The following NAV3 variants were observed in gnomAD, a reference collection of about 807,000 sequenced individuals.
NAV3 encodes pore membrane and/or filament interacting like protein 1.
NAV3 carries 87 observed loss-of-function variants against 244.7 expected under a neutral mutation model. The observed-to-expected ratio is 0.36, with a 90% CI of 0.30 to 0.42. The LOEUF is 0.42. Ranked by LOEUF, NAV3 falls within the 20% of genes least tolerant of loss-of-function variation. The pLI is 1.00. For synonymous variants in NAV3, 1,126 were observed against 1,042.2 expected, an observed-to-expected ratio of 1.08 and a Z score of -1.55; for missense variants, 2,663 against 2,893.3, an observed-to-expected ratio of 0.92 and a Z score of 1.83.
intron 7 of NAV3, among the ~76,000 whole-genome samples, chr12:78,003,281 G>T (rs1336468374): frequency 1.3e-5 from 2 of 152,010 alleles, no homozygotes; most frequent in African/African-American, 4.8e-5. Context: ...GTATGTTGTT[G>T]TGGAATTAAA....
At chr12:78,133,220 A>G (rs1347876845) in intron 18 of NAV3, among the ~76,000 whole-genome samples, 1 of 152,076 alleles carries the variant, frequency 6.6e-6, no homozygotes, top group Non-Finnish European at 1.5e-5. Flanking sequence ...CAAATCAGGC[A>G]TTTTGAGATC....
At chr12:78,193,658 G>A (rs566122991) in intron 34 of NAV3, among the ~76,000 whole-genome samples, 1 of 152,228 alleles carries the variant, frequency 6.6e-6, no homozygotes, top group South Asian at 2.1e-4. Flanking sequence ...GCTAGAGTGG[G>A]TATCATGAAG....
At chr12:77,748,552 A>G (rs1868675953) in intron 2 of NAV3, among the ~76,000 whole-genome samples, 1 of 152,222 alleles carries the variant, frequency 6.6e-6, no homozygotes, top group African/African-American at 2.4e-5. Flanking sequence ...ATGGAATATT[A>G]TTCAGCCATG....
At position 78,211,442 on chromosome 12, in the gene NAV3, A is replaced by G. The variant is rs1413527778; in HGVS notation, c.*925A>G. The G allele has an allele frequency of 6.6e-6, 1 of 151,896 alleles. No homozygotes were observed. Among genetic ancestry groups the G allele is most frequent in the South Asian group, 2.1e-4 (1 of 4,778 alleles). 9.4% of individuals were successfully genotyped at this position (151,896 alleles called of 1,614,324 possible). On this transcript the variant is annotated 3_prime_UTR_variant, in exon 40 of 40. Coordinates refer to ENST00000397909, the MANE Select transcript of NAV3 (RefSeq NM_001024383.2). Reference sequence around the variant, plus strand: ...TTACAACCAAGCAACACCAGTTAACATAGTAGCCTCATCTCTATATATCTT... The same window carrying G: ...TTACAACCAAGCAACACCAGTTAACGTAGTAGCCTCATCTCTATATATCTT...
At chr12:77,863,573 T>A (rs185038131) in intron 1 of NAV3, among the ~76,000 whole-genome samples, 2 of 151,908 alleles carry the variant, frequency 1.3e-5, no homozygotes, top group Non-Finnish European at 3.0e-5. Context: ...ATTTTAAAAT[T>A]TATTGGACTG....
chr12:78,080,726 G>A (rs982559754), intron 12 of NAV3, among the ~76,000 whole-genome samples: 5 of 152,154 alleles, frequency 3.3e-5, no homozygotes, highest in Non-Finnish European at 7.3e-5. Context: ...TGGCAGTCAC[G>A]AGGTACCCTG....
At chr12:78,011,770 G>A (rs2136664210) in intron 8 of NAV3, among the ~76,000 whole-genome samples, 1 of 152,288 alleles carries the variant, frequency 6.6e-6, no homozygotes, top group Admixed American at 6.5e-5. Flanking sequence ...CCTGAGACTG[G>A]ATAATTTATA....
At position 78,007,413 on chromosome 12, in the gene NAV3, G is replaced by T. The variant is rs369799002; in HGVS notation, c.1875G>T (p.Pro625=). ...QLPQQQQHSH[P]NTATVAPFIY... ...CTCAACAGCAGCAACATAGCCACCCGAATACCGCGACAGTGGCACCATTCA... is the reference window on the plus strand; with the variant it reads ...CTCAACAGCAGCAACATAGCCACCCTAATACCGCGACAGTGGCACCATTCA... Residue 625 remains proline, a synonymous_variant, in exon 8 of 40, where the codon CCG becomes CCT. Transcript: ENST00000397909. 6 of 1,613,948 alleles carry T rather than the reference G, an allele frequency of 3.7e-6. 1 individual carries two copies. In the South Asian group the frequency reaches 6.6e-5, roughly 18 times the overall value.
intron 2 of NAV3, among the ~76,000 whole-genome samples, chr12:77,786,157 C>T (rs1216561544): frequency 6.6e-6 from 1 of 152,092 alleles, no homozygotes; most frequent in Non-Finnish European, 1.5e-5. Context: ...GTCATTTCTC[C>T]AGGGTAATTG....
chr12:78,078,825 C>A (rs1369408774), intron 12 of NAV3, among the ~76,000 whole-genome samples: 1 of 152,128 alleles, frequency 6.6e-6, no homozygotes, highest in African/African-American at 2.4e-5. Flanking sequence ...GGTTTCCCCT[C>A]CCTTCAAAAC....
At chr12:77,946,910 A>G (rs1890402230) in intron 3 of NAV3, among the ~76,000 whole-genome samples, 1 of 152,148 alleles carries the variant, frequency 6.6e-6, no homozygotes, top group Admixed American at 6.6e-5. Context: ...GAATGAGGAC[A>G]TCTGATTATG....
chr12:77,814,887 G>A (rs1027251839), intron 2 of NAV3, among the ~76,000 whole-genome samples: 1 of 152,176 alleles, frequency 6.6e-6, no homozygotes, highest in Admixed American at 6.5e-5. Context: ...AGTTTCAGGA[G>A]AGGAAGAGAT....
At chr12:77,614,422 C>T (rs1319580165) in intron 2 of NAV3, among the ~76,000 whole-genome samples, 1 of 151,996 alleles carries the variant, frequency 6.6e-6, no homozygotes, top group African/African-American at 2.4e-5. Context: ...TTCTAGGCCC[C>T]TTTTGTCCTC....
intron 21 of NAV3, among the ~76,000 whole-genome samples, chr12:78,147,078 A>T (rs1014878245): frequency 2.0e-5 from 3 of 152,104 alleles, no homozygotes; most frequent in Non-Finnish European, 4.4e-5. Context: ...GAGAAAAAAA[A>T]TGCCTTAACA....
intron 12 of NAV3, among the ~76,000 whole-genome samples, chr12:78,116,432 G>A (rs1955382016): frequency 6.6e-6 from 1 of 152,052 alleles, no homozygotes; most frequent in Admixed American, 6.6e-5. Flanking sequence ...ATGATTCCTG[G>A]TTGAATTTTT....
intron 2 of NAV3, among the ~76,000 whole-genome samples, chr12:77,811,604 C>T (rs188637745): frequency 2.0e-5 from 3 of 152,290 alleles, no homozygotes; most frequent in Admixed American, 1.3e-4. Flanking sequence ...ACATAATGCA[C>T]AACACATAGT....
intron 2 of NAV3, among the ~76,000 whole-genome samples, chr12:77,635,010 C>T (rs1312705876): frequency 1.3e-5 from 2 of 152,050 alleles, no homozygotes; most frequent in Non-Finnish European, 2.9e-5. Context: ...GGGCAGTTCA[C>T]CTGAGGTCAG....
intron 1 of NAV3, among the ~76,000 whole-genome samples, chr12:77,911,446 T>C (rs1886578699): frequency 6.6e-6 from 1 of 152,168 alleles, no homozygotes; most frequent in African/African-American, 2.4e-5. Context: ...GTGCTTCTGT[T>C]AAAAGATCAA....
intron 5 of NAV3, among the ~76,000 whole-genome samples, chr12:77,974,601 A>G (rs1485761722): frequency 1.3e-5 from 2 of 151,994 alleles, no homozygotes; most frequent in Non-Finnish European, 2.9e-5. Context: ...CCCAGATGCT[A>G]TGTCAGTATT....
Sources: allele counts gnomAD v4.1 joint callset (sites outside exome capture counted in the v4.1 genomes callset), GRCh38; gene constraint gnomAD v4.1.1; transcripts MANE v1.5; gene names NCBI Gene and HGNC (gene_info 2026-07-23, HGNC 2026-07-21).